The following TENM3 variants were observed in gnomAD, a reference collection of about 807,000 sequenced individuals.
TENM3 encodes the protein teneurin-3.
Under a neutral mutation model 255.1 loss-of-function variants are expected in TENM3, and 63 were observed. That is an observed-to-expected ratio of 0.25 (90% confidence interval 0.20 to 0.30). The LOEUF (loss-of-function observed/expected upper bound fraction) is 0.30. TENM3 is among the 10% of genes least tolerant of loss of function. The pLI, the probability that TENM3 is intolerant of heterozygous loss-of-function variation, is 1.00. For synonymous variants in TENM3, 1,306 were observed against 1,322.3 expected, an observed-to-expected ratio of 0.99 and a Z score of 0.27; for missense variants, 2,929 against 3,461.1, an observed-to-expected ratio of 0.85 and a Z score of 3.86.
the TENM3 span, among the ~76,000 whole-genome samples, chr4:182,052,734 G>A: frequency 6.6e-6 from 1 of 152,042 alleles, no homozygotes; most frequent in Non-Finnish European, 1.5e-5. Context: ...GGGAAATGGG[G>A]GCCAATGGAC....
chr4:182,058,218 C>T, the TENM3 span, among the ~76,000 whole-genome samples: 1 of 150,188 alleles, frequency 6.7e-6, no homozygotes, highest in Non-Finnish European at 1.5e-5. Flanking sequence ...CACTGGAATA[C>T]ATTTGATTTT....
chr4:182,265,178 T>C (rs111535531), intron 1 of TENM3, among the ~76,000 whole-genome samples: 4,043 of 152,190 alleles, frequency 0.027, 203 homozygotes, highest in African/African-American at 0.093. Context: ...TATCTGACGT[T>C]TTTGAGTTTT....
the TENM3 span, among the ~76,000 whole-genome samples, chr4:181,998,761 G>A: frequency 6.6e-6 from 1 of 152,074 alleles, no homozygotes; most frequent in African/African-American, 2.4e-5. Flanking sequence ...ATAACTGTAT[G>A]TTTTCCTTCC....
In TENM3 at chr4:182,448,962, G is replaced by A; in HGVS notation, c.511+102033G>A. The A allele has an allele frequency of 5.1e-6, 2 of 394,480 alleles. 1 individual carries two copies. The highest frequency in any genetic ancestry group is 3.4e-5 in the South Asian group (2 of 58,840). The allele number at this position is 394,480 out of a possible 1,614,324, so 24.4% of individuals were successfully genotyped here. A position where few individuals can be genotyped will look rare whatever the true frequency, so the allele number is the denominator to read the frequency against. On this transcript the variant is annotated intron_variant, in intron 3 of 27. Transcript: ENST00000511685. ...AGAGGAGCCTCAGCCTATCATGTCT[G>A]GCCGCCGCGCGCAGCCCGAGCCCGG...
At chr4:182,280,172 G>A (rs749893644) in intron 1 of TENM3, among the ~76,000 whole-genome samples, 1 of 152,200 alleles carries the variant, frequency 6.6e-6, no homozygotes, top group Non-Finnish European at 1.5e-5. Flanking sequence ...CATTCAGTTG[G>A]AGACTTCTTT....
At chr4:182,421,078 A>G (rs540544077) in intron 3 of TENM3, among the ~76,000 whole-genome samples, 27 of 152,310 alleles carry the variant, frequency 1.8e-4, no homozygotes, top group Non-Finnish European at 3.8e-4. Context: ...TAATTTCTGA[A>G]ATGTATGCAA....
the TENM3 span, among the ~76,000 whole-genome samples, chr4:181,574,581 A>G: frequency 1.3e-5 from 2 of 152,182 alleles, no homozygotes; most frequent in Non-Finnish European, 2.9e-5. Flanking sequence ...GGATATGATC[A>G]TTGATTCAGA....
chr4:181,863,707 AC>A, the TENM3 span, among the ~76,000 whole-genome samples: 2 of 151,970 alleles, frequency 1.3e-5, no homozygotes, highest in African/African-American at 4.8e-5. Flanking sequence ...TACTTATGAA[AC>A]TTTTTGTGTG....
At chr4:181,600,358 A>G in the TENM3 span, among the ~76,000 whole-genome samples, 1 of 152,100 alleles carries the variant, frequency 6.6e-6, no homozygotes, top group African/African-American at 2.4e-5. Flanking sequence ...TGGTTATCTC[A>G]TACTAAGTGT....
the TENM3 span, among the ~76,000 whole-genome samples, chr4:182,041,059 A>G: frequency 6.6e-6 from 1 of 152,200 alleles, no homozygotes; most frequent in African/African-American, 2.4e-5. Context: ...ATATTACCAG[A>G]AGCAAATATT....
intron 3 of TENM3, among the ~76,000 whole-genome samples, chr4:182,435,694 A>T (rs1771989486): frequency 6.6e-6 from 1 of 152,220 alleles, no homozygotes; most frequent in Non-Finnish European, 1.5e-5. Flanking sequence ...GATTTGAAAT[A>T]GAATAGGGAA....
chr4:181,836,428 C>A, the TENM3 span, among the ~76,000 whole-genome samples: 1 of 152,084 alleles, frequency 6.6e-6, no homozygotes, highest in Non-Finnish European at 1.5e-5. Context: ...TTAAATAATA[C>A]ATTTGGGTCT....
chr4:182,595,258 A>G (rs1747092516), intron 3 of TENM3, among the ~76,000 whole-genome samples: 1 of 152,044 alleles, frequency 6.6e-6, no homozygotes, highest in African/African-American at 2.4e-5. Flanking sequence ...CTTCTTCTCC[A>G]TGCAGAGTTC....
At chr4:181,468,444 C>A in the TENM3 span, among the ~76,000 whole-genome samples, 11 of 152,204 alleles carry the variant, frequency 7.2e-5, no homozygotes, top group Admixed American at 5.9e-4. Context: ...AAATCAGGGA[C>A]AAATGTAGAG....
the TENM3 span, among the ~76,000 whole-genome samples, chr4:181,958,325 T>TTTTG: frequency 6.6e-6 from 1 of 152,214 alleles, no homozygotes; most frequent in South Asian, 2.1e-4. Context: ...TTTCAGGTCT[T>TTTTG]TTTGTTTGTT....
chr4:182,287,223 G>A (rs1760788285), intron 1 of TENM3, among the ~76,000 whole-genome samples: 2 of 152,170 alleles, frequency 1.3e-5, no homozygotes, highest in South Asian at 2.1e-4. Flanking sequence ...GCGAGACTCC[G>A]TCTCTAATAA....
intron 3 of TENM3, among the ~76,000 whole-genome samples, chr4:182,546,139 C>T (rs1295644105): frequency 2.0e-5 from 3 of 152,258 alleles, no homozygotes; most frequent in East Asian, 1.9e-4. Flanking sequence ...GTCATCTTCA[C>T]GCTGAGCAGG....
chr4:181,829,400 G>C, the TENM3 span, among the ~76,000 whole-genome samples: 1 of 152,192 alleles, frequency 6.6e-6, no homozygotes, highest in African/African-American at 2.4e-5. Flanking sequence ...GGCTAAATAT[G>C]TGTTAAAGGG....
chr4:181,496,404 A>G, the TENM3 span, among the ~76,000 whole-genome samples: 1 of 152,324 alleles, frequency 6.6e-6, no homozygotes, highest in African/African-American at 2.4e-5. Flanking sequence ...CATTCTGTAC[A>G]CATATATCTG....
Sources: allele counts gnomAD v4.1 joint callset (sites outside exome capture counted in the v4.1 genomes callset), GRCh38; gene constraint gnomAD v4.1.1; transcripts MANE v1.5; gene names NCBI Gene and HGNC (gene_info 2026-07-23, HGNC 2026-07-21).